CBX1: variants seen among roughly 807,000 people sequenced by gnomAD.
CBX1 encodes chromobox 1.
Under a neutral mutation model 25.1 loss-of-function variants are expected in CBX1, and 10 were observed. The ratio of observed to expected loss-of-function variants is 0.40; its 90% CI spans 0.25 to 0.68. CBX1 has a LOEUF of 0.68. CBX1 is among the 30% of genes least tolerant of loss of function. CBX1 has a pLI of 0.40. For missense variants in CBX1, 106 were observed against 218.5 expected (o/e 0.49, Z 3.25); for synonymous variants, 63 against 79.4 (o/e 0.79, Z 1.10).
intron 1 of CBX1, among the ~76,000 whole-genome samples, chr17:48,094,501 G>A (rs1021721086): frequency 1.3e-5 from 2 of 151,692 alleles, no homozygotes; most frequent in Admixed American, 6.6e-5. Context: ...GGGAGGCCGA[G>A]GTGGGTGGAT....
intron 1 of CBX1, 38 bp from the exon 2 acceptor site, chr17:48,077,079 C>T (rs2037681528): frequency 2.0e-6 from 3 of 1,501,256 alleles, no homozygotes; most frequent in South Asian, 2.6e-5. Context: ...CATTAGGGAG[C>T]ACTCTTATTG....
At chr17:48,086,748 T>C (rs551678263) in intron 1 of CBX1, among the ~76,000 whole-genome samples, 1 of 151,878 alleles carries the variant, frequency 6.6e-6, no homozygotes, top group African/African-American at 2.4e-5. Flanking sequence ...TCACAGCTAC[T>C]TGGGAGCCTG....
In CBX1 at chr17:48,076,951, T is replaced by C; in HGVS notation, c.54A>G (p.Glu18=). The C allele has an allele frequency of 1.2e-6, 2 of 1,613,864 alleles. No homozygotes were observed. Among genetic ancestry groups the C allele is most frequent in the Middle Eastern group, 1.7e-4 (1 of 6,058 alleles). Reference sequence around the variant, plus strand: ...GAACTTTTTCCACCACATATTCCTCTTCCTCCTCTTCTAGCACCTCCTCCA... The same window carrying C: ...GAACTTTTTCCACCACATATTCCTCCTCCTCCTCTTCTAGCACCTCCTCCA... ...KKVEEVLEEE[E]EEYVVEKVLD... The change falls in exon 2 of 5, where the codon GAA becomes GAG. Residue 18 remains glutamate (E), a synonymous_variant. Coordinates refer to ENST00000225603, the MANE Select transcript of CBX1 (RefSeq NM_001127228.2).
intron 1 of CBX1, 93 bp from the exon 2 acceptor site, chr17:48,077,134 TG>T: frequency 1.0e-6 from 1 of 963,086 alleles, no homozygotes. Flanking sequence ...ACATGACAGG[TG>T]ATAATATTGT....
At position 48,076,054 on chromosome 17, in the gene CBX1, A is replaced by T; in HGVS notation, c.265T>A (p.Ser89Thr). 1.2e-6 allele frequency: 2 copies of T among 1,613,134 alleles called. No homozygotes were observed. The highest frequency in any genetic ancestry group is 1.7e-6 in the Non-Finnish European group (2 of 1,179,276). Residue 89 changes from serine (S) to threonine (T), a missense_variant, in exon 3 of 5, where the codon TCT becomes ACT. By Grantham distance (58) the Ser-to-Thr change is moderately conservative. Transcript: ENST00000225603. ...KSEGGKRKADSDSEDKGEESK... is the reference protein window; with the variant it reads ...KSEGGKRKADTDSEDKGEESK... Reference sequence around the variant, plus strand: ...TCCTCTCCCTTATCTTCAGAATCAGAATCAGCTTTGCGCTTGCCTCCCTCT... The same window carrying T: ...TCCTCTCCCTTATCTTCAGAATCAGTATCAGCTTTGCGCTTGCCTCCCTCT...
intron 1 of CBX1, among the ~76,000 whole-genome samples, chr17:48,089,766 T>A: frequency 6.7e-6 from 1 of 150,228 alleles, no homozygotes; most frequent in Non-Finnish European, 1.5e-5. Context: ...GAGGTTGTAG[T>A]GGGCCGAGAT....
chr17:48,081,109 G>C (rs1008312492), intron 1 of CBX1, among the ~76,000 whole-genome samples: 3 of 150,614 alleles, frequency 2.0e-5, no homozygotes, highest in Non-Finnish European at 4.4e-5. Flanking sequence ...CGGTAGAGAA[G>C]GGTTTTTGCC....
chr17:48,096,426 A>G (rs1267355185), intron 1 of CBX1: 1 of 953,080 alleles, frequency 1.0e-6, no homozygotes, highest in Non-Finnish European at 1.2e-6. Flanking sequence ...AAGATAAAAT[A>G]AAAGTGGTTA....
chr17:48,076,830 T>G lies in CBX1; in HGVS notation c.140+35A>C, dbSNP rs751290381. On this transcript the variant is annotated intron_variant, in intron 2 of 4. Coordinates refer to ENST00000225603, the MANE Select transcript of CBX1 (RefSeq NM_001127228.2). Reference sequence around the variant, plus strand: ...CATCTCTAGACTCCTGATAAACACGTGGTGGCTACATTTACCTGTGTCAGT... The same window carrying G: ...CATCTCTAGACTCCTGATAAACACGGGGTGGCTACATTTACCTGTGTCAGT... The G allele has an allele frequency of 1.9e-6, 3 of 1,590,484 alleles. No homozygotes were observed. The Admixed American group carries it at 5.2e-5, about 27-fold the overall frequency.
chr17:48,076,741 A>G, intron 2 of CBX1, 124 bp downstream of exon 2: 5 of 806,212 alleles, frequency 6.2e-6, no homozygotes, highest in Non-Finnish European at 9.9e-6. Flanking sequence ...TCCTAATTAA[A>G]CAATAAGCCA....
intron 1 of CBX1, among the ~76,000 whole-genome samples, chr17:48,085,475 C>T (rs2063307324): frequency 6.6e-6 from 1 of 151,930 alleles, no homozygotes. Flanking sequence ...CTTAAGATGA[C>T]TCCTCCCTAC....
At chr17:48,096,959 C>T (rs187791405) in intron 1 of CBX1, among the ~76,000 whole-genome samples, 117 of 151,864 alleles carry the variant, frequency 7.7e-4, no homozygotes, top group African/African-American at 2.3e-3. Flanking sequence ...GTTCAAAAAC[C>T]CCCACCACAA....
At chr17:48,077,962 T>C (rs1346595994) in intron 1 of CBX1, among the ~76,000 whole-genome samples, 3 of 152,110 alleles carry the variant, frequency 2.0e-5, no homozygotes, top group Non-Finnish European at 4.4e-5. Context: ...AAGACCATCC[T>C]GGCCAACATG....
In CBX1 at chr17:48,071,526, C is replaced by G; in HGVS notation, c.467G>C (p.Cys156Ser). The G allele has an allele frequency of 6.2e-7, 1 of 1,613,552 alleles. No homozygotes were observed. ...ATAGAAGGATATGACAACCTGTGGG[C>G]ACTTGACATTGGCTTCCTTGGCAGG... Reference protein sequence around the residue: ...LVPAKEANVKCPQVVISFYEE... With the variant: ...LVPAKEANVKSPQVVISFYEE... The change falls in exon 5 of 5, where the codon TGC becomes TCC. Residue 156 changes from cysteine to serine, a missense_variant. By Grantham distance (112) the Cys-to-Ser change is moderately radical. This residue lies in a region of CBX1 where 71 missense variants were observed against 144.1 expected (regional missense o/e 0.49). Coordinates refer to ENST00000225603, the MANE Select transcript of CBX1 (RefSeq NM_001127228.2).
chr17:48,074,910 G>C, intron 4 of CBX1, 96 bp downstream of exon 4: 1 of 874,692 alleles, frequency 1.1e-6, no homozygotes, highest in Non-Finnish European at 1.9e-6. Context: ...TTCACACTTG[G>C]GTGATTGGAA....
chr17:48,074,118 CT>C (rs1327738967), intron 4 of CBX1, among the ~76,000 whole-genome samples: 1 of 152,154 alleles, frequency 6.6e-6, no homozygotes, highest in Non-Finnish European at 1.5e-5. Context: ...TTCAGTGGTG[CT>C]AAAGTTAGGC....
At position 48,080,985 on chromosome 17, in the gene CBX1, TATATATATAA is replaced by T. The variant is rs200993688; in HGVS notation, c.-37-3954_-37-3945del. Among the ~76,000 whole-genome samples the T allele has an allele frequency of 5.0e-3, 331 of 65,694 alleles. 7 individuals are homozygous for T. The highest frequency in any genetic ancestry group is 0.023 in the African/African-American group (286 of 12,508). The allele number at this position is 65,694 out of a possible 152,430, so 43.1% of individuals were successfully genotyped here. A position where few individuals can be genotyped will look rare whatever the true frequency, so the allele number is the denominator to read the frequency against. ...ATATATATATATATATATATATATATATATATATAAAATTTGTCTTAGAAAAATAAATAGC... is the reference window on the plus strand; with the variant it reads ...ATATATATATATATATATATATATATAATTTGTCTTAGAAAAATAAATAGC... On this transcript the variant is annotated intron_variant, in intron 1 of 4. Coordinates refer to ENST00000225603, the MANE Select transcript of CBX1 (RefSeq NM_001127228.2).
At chr17:48,073,132 A>C (rs902451309) in intron 4 of CBX1, among the ~76,000 whole-genome samples, 1 of 151,888 alleles carries the variant, frequency 6.6e-6, no homozygotes, top group Admixed American at 6.6e-5. Flanking sequence ...ATTTAAAAAA[A>C]AAACAAACTC....
chr17:48,076,035 CCCTT>C lies in CBX1; in HGVS notation c.280_283del (p.Lys94GlufsTer41). ...CTTCTTCTTTGGTTTGCTCTCCTCT[CCCTT>C]ATCTTCAGAATCAGAATCAGCTTTG... is the stretch of plus-strand genomic sequence containing the variant. On this transcript the variant is annotated frameshift_variant, in exon 3 of 5. Transcript: ENST00000225603. LOFTEE classifies it high-confidence loss of function. 1.2e-6 allele frequency: 2 copies of C among 1,612,116 alleles called. No homozygotes were observed. Among genetic ancestry groups the C allele is most frequent in the Non-Finnish European group, 1.7e-6 (2 of 1,178,532 alleles).
Sources: allele counts gnomAD v4.1 joint callset (sites outside exome capture counted in the v4.1 genomes callset), GRCh38; gene constraint gnomAD v4.1.1; regional missense constraint gnomAD v4.1.1; transcripts MANE v1.5; gene names NCBI Gene and HGNC (gene_info 2026-07-23, HGNC 2026-07-21).